C16orf87: variants seen among roughly 807,000 people sequenced by gnomAD.
C16orf87 encodes the protein HDAC and MIER1 interacting protein 1.
A neutral mutation model predicts 21.0 loss-of-function variants in C16orf87; 13 were observed. The observed-to-expected ratio is 0.62, with a 90% CI of 0.40 to 0.98. C16orf87 has a LOEUF of 0.98. C16orf87 is among the 50% of genes least tolerant of loss of function. The pLI, the probability that C16orf87 is intolerant of heterozygous loss-of-function variation, is 0.00. For synonymous variants in C16orf87, 49 were observed against 60.2 expected (o/e 0.81, Z 0.86); for missense variants, 113 against 180.4 (o/e 0.63, Z 2.14).
intron 2 of C16orf87, among the ~76,000 whole-genome samples, chr16:46,820,879 T>C (rs1959388840): frequency 6.6e-6 from 1 of 152,250 alleles, no homozygotes; most frequent in African/African-American, 2.4e-5. Context: ...TTTACATTTA[T>C]GTGAACTGTG....
rs1440596138 is a variant in C16orf87 at position 46,798,752 on chromosome 16, A to C, written c.*4200T>G. The C allele has an allele frequency of 4.6e-5, 7 of 152,430 alleles. No homozygotes were observed. 9.4% of individuals were successfully genotyped at this position (152,430 alleles called of 1,614,324 possible). On this transcript the variant is annotated 3_prime_UTR_variant, in exon 4 of 4. Coordinates refer to ENST00000285697, the MANE Select transcript of C16orf87 (RefSeq NM_001001436.4). ...GAGTGAGACTCCGTGTCAAAAAAAA[A>C]AGAAAAGAAAAGCTATCAGTATGTT...
chr16:46,802,473 TAATAA>T lies in C16orf87; in HGVS notation c.*474_*478del, dbSNP rs1479891833. 6.5e-6 allele frequency: 1 copy of T among 152,716 alleles called. No homozygotes were observed. Among genetic ancestry groups the T allele is most frequent in the Admixed American group, 6.5e-5 (1 of 15,298 alleles). 9.5% of individuals were successfully genotyped at this position (152,716 alleles called of 1,614,324 possible). On this transcript the variant is annotated 3_prime_UTR_variant, in exon 4 of 4. Transcript: ENST00000285697. ...TTCAATAAAATATCGATTGCCAATT[TAATAA>T]AAGTAAATGAACTGTATATATGCAA... is the stretch of plus-strand genomic sequence containing the variant.
At position 46,817,939 on chromosome 16, in the gene C16orf87, A is replaced by C. The variant is rs866274048; in HGVS notation, c.163+6447T>G. 1.0e-4 allele frequency among the ~76,000 whole-genome samples: 15 copies of C among 147,720 alleles called. No individual in the cohort carries two copies. In the South Asian group the frequency reaches 2.7e-3, roughly 27 times the overall value. On this transcript the variant is annotated intron_variant, in intron 2 of 3. Coordinates refer to ENST00000285697, the MANE Select transcript of C16orf87 (RefSeq NM_001001436.4). ...AGCAAAAAAAAAAAAAAAAAAAAAA[A>C]CCACAAAAATCAACTATATAAAAGC...
chr16:46,807,153 T>C lies in C16orf87; in HGVS notation c.346+2450A>G, dbSNP rs1477725243. ...TGGTTTACAACAAAGATTGGCAAAC[T>C]AGGCCGAGTGCAGTGGCTCATGCAT... On this transcript the variant is annotated intron_variant, in intron 3 of 3. Coordinates refer to ENST00000285697, the MANE Select transcript of C16orf87 (RefSeq NM_001001436.4). Among the ~76,000 whole-genome samples, 4 of 152,236 alleles carry C rather than the reference T, an allele frequency of 2.6e-5. No individual in the cohort carries two copies. In the East Asian group the frequency reaches 7.7e-4, roughly 29 times the overall value.
rs759543940 is a variant in C16orf87 at position 46,803,090 on chromosome 16, A to G, written c.347-20T>C. Reference sequence around the variant, plus strand: ...GTTTCTCTGTTAAAAGAAAAAGGGAAAGTTTAATATAAAGGCAGTAGATGC... The same window carrying G: ...GTTTCTCTGTTAAAAGAAAAAGGGAGAGTTTAATATAAAGGCAGTAGATGC... On this transcript the variant is annotated intron_variant, in intron 3 of 3. Transcript: ENST00000285697. 1 of 1,250,324 alleles carries G rather than the reference A, an allele frequency of 8.0e-7. No individual in the cohort carries two copies. Among genetic ancestry groups the G allele is most frequent in the Non-Finnish European group, 1.2e-6 (1 of 865,974 alleles). The allele number at this position is 1,250,324 out of a possible 1,614,324, so 77.5% of individuals were successfully genotyped here.
chr16:46,806,817 CT>C (rs1446335429), intron 3 of C16orf87, among the ~76,000 whole-genome samples: 9 of 152,176 alleles, frequency 5.9e-5, no homozygotes, highest in African/African-American at 2.2e-4. Flanking sequence ...ATTTTTCCCC[CT>C]TTGGATCTCT....
rs1959538898 is a variant in C16orf87 at position 46,824,435 on chromosome 16, G to A, written c.114C>T (p.Ser38=). ...AGTGTTTTGCATTTAAAAGTTTTCT[G>A]CTAATAAATATGTAACCACAAGGAC... is the stretch of plus-strand genomic sequence containing the variant. ...KSCPCGYIFI[S]RKLLNAKHSE... The change falls in exon 2 of 4, where the codon AGC becomes AGT. Residue 38 remains serine, a synonymous_variant. Transcript: ENST00000285697. The A allele has an allele frequency of 6.3e-7, 1 of 1,584,844 alleles. No homozygotes were observed.
chr16:46,830,332 C>T (rs1457933637), intron 1 of C16orf87, among the ~76,000 whole-genome samples: 1 of 122,032 alleles, frequency 8.2e-6, no homozygotes, highest in Admixed American at 8.0e-5. Flanking sequence ...TTCAGACAGA[C>T]AGGGATACAG....
intron 2 of C16orf87, among the ~76,000 whole-genome samples, chr16:46,813,478 T>TAAA (rs35686982): frequency 2.2e-5 from 3 of 137,446 alleles, no homozygotes; most frequent in South Asian, 2.3e-4. Context: ...AATATTATCT[T>TAAA]AAAAAAAAAA....
At chr16:46,830,945 C>T (rs952347101) in intron 1 of C16orf87, 139 bp downstream of exon 1, 85 of 495,864 alleles carry the variant, frequency 1.7e-4, no homozygotes, top group African/African-American at 1.6e-3. Context: ...GCCCGACCGG[C>T]CCCGGATCCC....
At chr16:46,820,543 C>T (rs1210417693) in intron 2 of C16orf87, among the ~76,000 whole-genome samples, 1 of 152,182 alleles carries the variant, frequency 6.6e-6, no homozygotes, top group East Asian at 1.9e-4. Context: ...TTCTTTCAAA[C>T]TAGCACATAC....
chr16:46,821,037 C>T (rs949629723), intron 2 of C16orf87, among the ~76,000 whole-genome samples: 8 of 152,130 alleles, frequency 5.3e-5, no homozygotes, highest in Middle Eastern at 3.2e-3. Flanking sequence ...ATCTCACTGA[C>T]GACATTAAGC....
At position 46,797,650 on chromosome 16, in the gene C16orf87, T is replaced by C. The variant is rs1016324603; in HGVS notation, c.*5302A>G. On this transcript the variant is annotated 3_prime_UTR_variant, in exon 4 of 4. Coordinates refer to ENST00000285697, the MANE Select transcript of C16orf87 (RefSeq NM_001001436.4). Reference sequence around the variant, plus strand: ...GTGAGCCACTGTGCCCAGCCAAGTCTTATGATTTATAAGAAAATTATAACA... The same window carrying C: ...GTGAGCCACTGTGCCCAGCCAAGTCCTATGATTTATAAGAAAATTATAACA... 1 of 152,198 alleles carries C rather than the reference T, an allele frequency of 6.6e-6. No homozygotes were observed. Among genetic ancestry groups the C allele is most frequent in the Non-Finnish European group, 1.5e-5 (1 of 68,036 alleles). The allele number at this position is 152,198 out of a possible 1,614,324, so 9.4% of individuals were successfully genotyped here.
At chr16:46,803,720 G>A (rs1967842300) in intron 3 of C16orf87, among the ~76,000 whole-genome samples, 4 of 147,224 alleles carry the variant, frequency 2.7e-5, no homozygotes, top group South Asian at 2.1e-4. Context: ...TATAAAACTT[G>A]TTAAAAAAAA....
chr16:46,803,795 CT>C lies in C16orf87; in HGVS notation c.347-726del, dbSNP rs377071516. Among the ~76,000 whole-genome samples the C allele has an allele frequency of 1.8e-4, 27 of 149,350 alleles. No homozygotes were observed. In the East Asian group the frequency reaches 5.3e-3, roughly 29 times the overall value. ...CCAAATGCAACTACTTTTTTTGTGA[CT>C]TTTTTTTTCAGTTGTTCCTTTTTGC... On this transcript the variant is annotated intron_variant, in intron 3 of 3. Coordinates refer to ENST00000285697, the MANE Select transcript of C16orf87 (RefSeq NM_001001436.4).
chr16:46,816,146 T>C (rs151004230), intron 2 of C16orf87, among the ~76,000 whole-genome samples: 5 of 152,312 alleles, frequency 3.3e-5, no homozygotes, highest in Middle Eastern at 3.4e-3. Flanking sequence ...AGTACAAATA[T>C]TGTATGATTC....
intron 2 of C16orf87, among the ~76,000 whole-genome samples, chr16:46,814,028 A>G (rs1343273064): frequency 6.6e-6 from 1 of 152,186 alleles, no homozygotes; most frequent in Admixed American, 6.5e-5. Flanking sequence ...TCAAAATCCC[A>G]TTGAATGAGA....
intron 1 of C16orf87, among the ~76,000 whole-genome samples, chr16:46,829,203 G>T (rs1379680162): frequency 1.3e-5 from 2 of 152,070 alleles, no homozygotes; most frequent in Non-Finnish European, 2.9e-5. Flanking sequence ...ACACCAAGAA[G>T]ACAGCCATCT....
intron 2 of C16orf87, among the ~76,000 whole-genome samples, chr16:46,823,244 ACTGT>A (rs1959487871): frequency 6.6e-6 from 1 of 152,144 alleles, no homozygotes; most frequent in African/African-American, 2.4e-5. Flanking sequence ...ATATTTGTTC[ACTGT>A]CTATCTCCCA....
Sources: gnomAD v4.1 joint callset for allele counts (sites outside exome capture counted in the v4.1 genomes callset) on GRCh38, gnomAD v4.1.1 for gene constraint, MANE v1.5 for transcripts, NCBI Gene and HGNC (gene_info 2026-07-23, HGNC 2026-07-21) for gene names.